Variants in DNER observed in about 807,000 individuals in gnomAD.
The protein encoded by DNER is delta and Notch-like epidermal growth factor-related receptor.
In DNER, 33 loss-of-function variants were observed where a neutral mutation model predicts 78.2. That is an observed-to-expected ratio of 0.42 (90% CI 0.32 to 0.56). The LOEUF is 0.56. Ranked by LOEUF, DNER falls within the 20% of genes least tolerant of loss-of-function variation. The pLI, the probability that DNER is intolerant of heterozygous loss-of-function variation, is 0.11. For missense variants in DNER, 918 were observed against 975.3 expected (o/e 0.94, Z 0.78); for synonymous variants, 417 against 384.8 (o/e 1.08, Z -0.98).
intron 7 of DNER, among the ~76,000 whole-genome samples, chr2:229,470,159 G>A (rs547359858): frequency 6.6e-6 from 1 of 152,258 alleles, no homozygotes; most frequent in African/African-American, 2.4e-5. Context: ...TAATTGTCAC[G>A]TGCAGATCTT....
chr2:229,494,905 A>AT (rs1408613230), intron 6 of DNER, among the ~76,000 whole-genome samples: 1 of 152,056 alleles, frequency 6.6e-6, no homozygotes, highest in East Asian at 1.9e-4. Flanking sequence ...AGTGTCTTTG[A>AT]TTGTAAAATC....
chr2:229,402,859 G>A (rs189491237), intron 10 of DNER, among the ~76,000 whole-genome samples: 20 of 152,320 alleles, frequency 1.3e-4, no homozygotes, highest in Admixed American at 1.2e-3. Flanking sequence ...AGTAACTGAA[G>A]GGTGGACAGG....
chr2:229,441,567 T>C (rs1026193858), intron 8 of DNER, among the ~76,000 whole-genome samples: 4 of 152,144 alleles, frequency 2.6e-5, no homozygotes, highest in African/African-American at 9.7e-5. Context: ...GCAATTCTTA[T>C]CTAAAGAATG....
At chr2:229,384,931 A>G (rs56326135) in intron 11 of DNER, among the ~76,000 whole-genome samples, 17,499 of 152,066 alleles carry the variant, frequency 0.12, 1,759 homozygotes, top group East Asian at 0.52. Flanking sequence ...TCATCCTGAT[A>G]CCAAAACCTG....
At chr2:229,658,300 G>T (rs13424801) in intron 1 of DNER, among the ~76,000 whole-genome samples, 6,251 of 152,306 alleles carry the variant, frequency 0.041, 202 homozygotes, top group Middle Eastern at 0.078. Context: ...AGATGTCAGA[G>T]AAATCAGTAC....
chr2:229,514,767 G>GTTTT (rs1428844389), intron 5 of DNER, among the ~76,000 whole-genome samples: 1 of 152,146 alleles, frequency 6.6e-6, no homozygotes, highest in African/African-American at 2.4e-5. Context: ...TGCATAGGAG[G>GTTTT]ATGCCCCTCA....
chr2:229,636,551 T>C (rs1698534372), intron 1 of DNER, among the ~76,000 whole-genome samples: 2 of 152,198 alleles, frequency 1.3e-5, no homozygotes, highest in African/African-American at 4.8e-5. Context: ...GGATGGGGCT[T>C]GTCCAAAAGC....
chr2:229,561,941 G>A (rs191957804), intron 4 of DNER, among the ~76,000 whole-genome samples: 40 of 152,230 alleles, frequency 2.6e-4, no homozygotes, highest in African/African-American at 9.4e-4. Context: ...GACCGAGCAC[G>A]CGCCCTTCCT....
chr2:229,368,617 A>T (rs1281255464), intron 11 of DNER, among the ~76,000 whole-genome samples: 1 of 152,224 alleles, frequency 6.6e-6, no homozygotes, highest in Non-Finnish European at 1.5e-5. Flanking sequence ...CACATTGAAA[A>T]GGTCAAAAGG....
chr2:229,502,092 T>C (rs959385893), intron 6 of DNER, among the ~76,000 whole-genome samples: 2 of 152,172 alleles, frequency 1.3e-5, no homozygotes, highest in Non-Finnish European at 2.9e-5. Flanking sequence ...ACTGACTCAC[T>C]GGGCAGTGAC....
chr2:229,574,660 T>C (rs1014774767), intron 4 of DNER, among the ~76,000 whole-genome samples: 3 of 152,176 alleles, frequency 2.0e-5, no homozygotes, highest in African/African-American at 7.2e-5. Flanking sequence ...TATATATTAA[T>C]TTCATAATAA....
intron 1 of DNER, among the ~76,000 whole-genome samples, chr2:229,635,361 G>GA (rs58220819): frequency 0.27 from 23,141 of 85,416 alleles, 3,584 homozygotes; most frequent in Non-Finnish European, 0.34. Context: ...GGTCCCACAG[G>GA]AAAAAAAAAA....
At chr2:229,442,514 T>TAAAAAAAAAAAAAAAAA (rs58534290) in intron 8 of DNER, among the ~76,000 whole-genome samples, 2 of 147,144 alleles carry the variant, frequency 1.4e-5, no homozygotes, top group Admixed American at 1.3e-4. Flanking sequence ...CGCTCTGTCT[T>TAAAAAAAAAAAAAAAAA]AAAAAAAAAA....
At chr2:229,526,524 G>A (rs1023786395) in intron 5 of DNER, among the ~76,000 whole-genome samples, 3 of 152,160 alleles carry the variant, frequency 2.0e-5, no homozygotes, top group Non-Finnish European at 4.4e-5. Context: ...GGACAGGGTA[G>A]GGGGGTGGTT....
rs58243326 is a variant in DNER, at chr2:229,387,483, AAAAGAAAG to A, written c.1855+774_1855+781del. On this transcript the variant is annotated intron_variant, in intron 11 of 12. Transcript: ENST00000341772. ...CAGAACTTAAAGTATAATAGAAAGA[AAAAGAAAG>A]AAAGAAAGAAAGAAAGAGAGAAAGA... 1.8e-3 allele frequency among the ~76,000 whole-genome samples: 199 copies of A among 111,600 alleles called. 1 individual carries two copies. The highest frequency in any genetic ancestry group is 5.5e-3 in the African/African-American group (178 of 32,424). The allele number at this position is 111,600 out of a possible 152,430, so 73.2% of individuals were successfully genotyped here. A position where few individuals can be genotyped will look rare whatever the true frequency, so the allele number is the denominator to read the frequency against.
intron 1 of DNER, among the ~76,000 whole-genome samples, chr2:229,638,155 G>A (rs532082874): frequency 1.9e-4 from 29 of 152,246 alleles, no homozygotes; most frequent in African/African-American, 6.5e-4. Flanking sequence ...TAGATTTCAC[G>A]CAATCCTAGT....
intron 10 of DNER, among the ~76,000 whole-genome samples, chr2:229,390,685 A>G (rs1692994167): frequency 6.6e-6 from 1 of 152,258 alleles, no homozygotes; most frequent in East Asian, 1.9e-4. Flanking sequence ...TTTCATCACC[A>G]TAACATTCTT....
At position 229,650,569 on chromosome 2, in the gene DNER, T is replaced by C. The variant is rs528213661; in HGVS notation, c.277-58681A>G. 3.3e-5 allele frequency among the ~76,000 whole-genome samples: 5 copies of C among 152,308 alleles called. No individual in the cohort carries two copies. In the South Asian group the frequency reaches 1.0e-3, roughly 32 times the overall value. ...AATTTTCACTTGCATGATGGGCATTTGGATGCTAAATCTCAGCCCCTCACA... is the reference window on the plus strand; with the variant it reads ...AATTTTCACTTGCATGATGGGCATTCGGATGCTAAATCTCAGCCCCTCACA... On this transcript the variant is annotated intron_variant, in intron 1 of 12. Transcript: ENST00000341772.
intron 11 of DNER, among the ~76,000 whole-genome samples, chr2:229,380,804 A>G (rs978112023): frequency 6.6e-6 from 1 of 152,090 alleles, no homozygotes; most frequent in African/African-American, 2.4e-5. Context: ...ACACACCTGT[A>G]ATCCCAGCTA....
Sources: gnomAD v4.1 joint callset for allele counts (sites outside exome capture counted in the v4.1 genomes callset) on GRCh38, gnomAD v4.1.1 for gene constraint, MANE v1.5 for transcripts, NCBI Gene and HGNC (gene_info 2026-07-23, HGNC 2026-07-21) for gene names.